Variants in VPS13B observed in about 807,000 individuals in gnomAD.
VPS13B encodes the protein intermembrane lipid transfer protein VPS13B.
In VPS13B, 285 loss-of-function variants were observed where a neutral mutation model predicts 426.4. The observed-to-expected ratio is 0.67, with a 90% CI of 0.61 to 0.74. The LOEUF is 0.74. Among genes scored for constraint, VPS13B ranks in the 30% least tolerant of loss-of-function variants. The pLI is 0.00. For missense variants in VPS13B, 4,537 were observed against 4,782.6 expected, an observed-to-expected ratio of 0.95 and a Z score of 1.51; for synonymous variants, 1,676 against 1,676.4, an observed-to-expected ratio of 1.00 and a Z score of 0.01.
intron 19 of VPS13B, among the ~76,000 whole-genome samples, chr8:99,313,734 G>A (rs1202699148): frequency 2.6e-5 from 4 of 152,206 alleles, no homozygotes; most frequent in African/African-American, 9.6e-5. Context: ...GGTTTCTGCT[G>A]CCTTCTGTTT....
intron 2 of VPS13B, among the ~76,000 whole-genome samples, chr8:99,017,571 T>A (rs1841687036): frequency 6.6e-6 from 1 of 151,326 alleles, no homozygotes; most frequent in Non-Finnish European, 1.5e-5. Flanking sequence ...CTCGGCTCAC[T>A]GCAACCTCCA....
intron 14 of VPS13B, 62 bp downstream of exon 14, chr8:99,148,072 G>A (rs916619267): frequency 2.2e-6 from 2 of 894,528 alleles, no homozygotes; most frequent in Non-Finnish European, 3.0e-6. Context: ...TTTTTTTTTT[G>A]TCATTTACTG....
chr8:99,473,067 A>G (rs1198924271), intron 24 of VPS13B, among the ~76,000 whole-genome samples: 1 of 152,064 alleles, frequency 6.6e-6, no homozygotes, highest in Non-Finnish European at 1.5e-5. Context: ...GATGAATTCT[A>G]TCAAATATTC....
At position 99,629,995 on chromosome 8, in the gene VPS13B, G is replaced by A. The variant is rs79849255; in HGVS notation, c.5221-11816G>A. Among the ~76,000 whole-genome samples, 1,049 of 152,176 alleles carry A rather than the reference G, an allele frequency of 6.9e-3. 11 individuals are homozygous for A. Among genetic ancestry groups the A allele is most frequent in the African/African-American group, 0.024 (1,003 of 41,520 alleles). On this transcript the variant is annotated intron_variant, in intron 33 of 61. Coordinates refer to ENST00000357162, the MANE Select transcript of VPS13B (RefSeq NM_152564.5). ...CTTAGAGTTCTCCATTGTGCATAGC[G>A]GTGTTTCTGAAACATTAACGTGCAT...
intron 19 of VPS13B, among the ~76,000 whole-genome samples, chr8:99,344,457 T>G (rs1245675923): frequency 6.6e-6 from 1 of 152,226 alleles, no homozygotes; most frequent in East Asian, 1.9e-4. Flanking sequence ...AGGTTGAAAT[T>G]GCTGAGTTAT....
At chr8:99,836,571 T>C (rs971713369) in intron 54 of VPS13B, among the ~76,000 whole-genome samples, 1 of 152,216 alleles carries the variant, frequency 6.6e-6, no homozygotes, top group Non-Finnish European at 1.5e-5. Flanking sequence ...TTCTCAAGTT[T>C]CGTTCATGTT....
At chr8:99,619,041 C>T (rs1828235239) in intron 33 of VPS13B, among the ~76,000 whole-genome samples, 1 of 152,106 alleles carries the variant, frequency 6.6e-6, no homozygotes, top group African/African-American at 2.4e-5. Context: ...TTCCTATGTA[C>T]ATGTCTGCAC....
chr8:99,365,284 T>G (rs1181512177), intron 19 of VPS13B, among the ~76,000 whole-genome samples: 1 of 151,784 alleles, frequency 6.6e-6, no homozygotes, highest in East Asian at 1.9e-4. Flanking sequence ...TGCTCTGATC[T>G]TTATTATTTC....
intron 35 of VPS13B, among the ~76,000 whole-genome samples, 153 bp downstream of exon 35, chr8:99,661,644 G>C (rs557345134): frequency 6.6e-6 from 1 of 152,150 alleles, no homozygotes; most frequent in East Asian, 1.9e-4. Flanking sequence ...GCCCATTTTA[G>C]AGATCAAAAG....
chr8:99,293,681 C>T (rs918642879), intron 19 of VPS13B, among the ~76,000 whole-genome samples: 2 of 150,916 alleles, frequency 1.3e-5, no homozygotes, highest in African/African-American at 4.9e-5. Context: ...ACAATGAACT[C>T]AAACAAATTT....
chr8:99,371,868 C>G (rs1813196984), intron 19 of VPS13B, among the ~76,000 whole-genome samples: 1 of 152,092 alleles, frequency 6.6e-6, no homozygotes, highest in East Asian at 1.9e-4. Flanking sequence ...AAAATTAACT[C>G]AAGATGGATT....
intron 33 of VPS13B, among the ~76,000 whole-genome samples, chr8:99,638,649 T>C (rs1829165441): frequency 6.6e-6 from 1 of 152,066 alleles, no homozygotes; most frequent in African/African-American, 2.4e-5. Context: ...ATGAGTTAGG[T>C]ATTAATGTCC....
At chr8:99,747,947 A>T (rs1810183352) in intron 39 of VPS13B, among the ~76,000 whole-genome samples, 1 of 151,934 alleles carries the variant, frequency 6.6e-6, no homozygotes, top group African/African-American at 2.4e-5. Context: ...TGTAAGACCT[A>T]GTCTATGGGC....
chr8:99,431,769 A>G (rs1817125264), intron 22 of VPS13B, 105 bp downstream of exon 22: 1 of 1,156,562 alleles, frequency 8.6e-7, no homozygotes, highest in Non-Finnish European at 1.2e-6. Flanking sequence ...ACAATTATGT[A>G]TACCATCTCA....
intron 19 of VPS13B, among the ~76,000 whole-genome samples, chr8:99,302,433 T>G (rs1820416999): frequency 6.6e-6 from 1 of 152,210 alleles, no homozygotes; most frequent in African/African-American, 2.4e-5. Context: ...AGCCTATTAT[T>G]GGGCAAAATC....
intron 59 of VPS13B, among the ~76,000 whole-genome samples, chr8:99,869,834 A>T (rs1817298835): frequency 6.6e-6 from 1 of 152,244 alleles, no homozygotes; most frequent in Non-Finnish European, 1.5e-5. Flanking sequence ...ACTAACTCTT[A>T]GTCTAATGAC....
chr8:99,327,519 G>A (rs891301290), intron 19 of VPS13B, among the ~76,000 whole-genome samples: 16 of 152,220 alleles, frequency 1.1e-4, no homozygotes, highest in African/African-American at 3.8e-4. Context: ...ACACACATAA[G>A]ATATTATACA....
chr8:99,280,051 A>G lies in VPS13B; in HGVS notation c.2824+4797A>G, dbSNP rs187080113. On this transcript the variant is annotated intron_variant, in intron 19 of 61. Coordinates refer to ENST00000357162, the MANE Select transcript of VPS13B (RefSeq NM_152564.5). Reference sequence around the variant, plus strand: ...GCCAAAGTCCTGGGATTACAGGCGTAAGCCATCGCACCAGGCCCATCATTT... The same window carrying G: ...GCCAAAGTCCTGGGATTACAGGCGTGAGCCATCGCACCAGGCCCATCATTT... Among the ~76,000 whole-genome samples the G allele has an allele frequency of 9.5e-4, 145 of 152,254 alleles. 1 individual carries two copies. The East Asian group carries it at 0.015, about 16-fold the overall frequency.
At chr8:99,094,940 A>T (rs1445853780) in intron 3 of VPS13B, among the ~76,000 whole-genome samples, 1 of 152,176 alleles carries the variant, frequency 6.6e-6, no homozygotes, top group African/African-American at 2.4e-5. Flanking sequence ...GTGCATCTTT[A>T]CTTCAAGCAA....
Sources: gnomAD v4.1 joint callset for allele counts (sites outside exome capture counted in the v4.1 genomes callset) on GRCh38, gnomAD v4.1.1 for gene constraint, MANE v1.5 for transcripts, NCBI Gene and HGNC (gene_info 2026-07-23, HGNC 2026-07-21) for gene names.